The following ALDH1L2 variants were observed in gnomAD, a reference collection of about 807,000 sequenced individuals.
ALDH1L2 encodes the protein aldehyde dehydrogenase 1 family member L2, also known as mitochondrial 10-formyltetrahydrofolate dehydrogenase.
A neutral mutation model predicts 111.0 loss-of-function variants in ALDH1L2; 91 were observed. That is an observed-to-expected ratio of 0.82 (90% CI 0.69 to 0.98). ALDH1L2 has a LOEUF of 0.98. Among genes scored for constraint, ALDH1L2 ranks in the 50% least tolerant of loss-of-function variants. The pLI is 0.00. For missense variants in ALDH1L2, 995 were observed against 1,126.8 expected, an observed-to-expected ratio of 0.88 and a Z score of 1.67; for synonymous variants, 374 against 392.6, an observed-to-expected ratio of 0.95 and a Z score of 0.56.
chr12:105,049,695 C>T, intron 13 of ALDH1L2: 1 of 465,120 alleles, frequency 2.1e-6, no homozygotes, highest in East Asian at 4.6e-5. Flanking sequence ...TCTTAGACTT[C>T]CCGGCCTCCA....
intron 9 of ALDH1L2, among the ~76,000 whole-genome samples, chr12:105,058,583 G>A (rs1333967262): frequency 6.6e-6 from 1 of 152,192 alleles, no homozygotes; most frequent in Non-Finnish European, 1.5e-5. Context: ...TAACTGTAAA[G>A]ATTATGAGAG....
chr12:105,075,734 T>C (rs550788858), intron 1 of ALDH1L2, among the ~76,000 whole-genome samples: 9 of 152,350 alleles, frequency 5.9e-5, no homozygotes, highest in Admixed American at 5.9e-4. Flanking sequence ...ACTATAAATA[T>C]GTTTATAATG....
intron 21 of ALDH1L2, among the ~76,000 whole-genome samples, chr12:105,028,840 A>G (rs971796239): frequency 6.6e-6 from 1 of 152,200 alleles, no homozygotes; most frequent in African/African-American, 2.4e-5. Context: ...AGAATGACCT[A>G]AGGAGGTACA....
rs1220374363 is a variant in ALDH1L2 at position 105,039,814 on chromosome 12, A to G, written c.1952-8T>C. On this transcript the variant is annotated splice_region_variant and splice_polypyrimidine_tract_variant and intron_variant, in intron 16 of 22. Transcript: ENST00000258494. The stretch of plus-strand genomic sequence containing the variant: ...GTTGTCCTGCTATGCCACCTGTAGA[A>G]TTAGGGAATAAAACGGGAATTAAAA... 1.2e-6 allele frequency: 2 copies of G among 1,613,276 alleles called. No individual in the cohort carries two copies. The highest frequency in any genetic ancestry group is 2.2e-5 in the East Asian group (1 of 44,870).
intron 15 of ALDH1L2, 129 bp downstream of exon 15, chr12:105,046,581 G>A (rs1473388945): frequency 5.4e-6 from 4 of 736,348 alleles, no homozygotes; most frequent in African/African-American, 3.6e-5. Flanking sequence ...ATGAAAAGTT[G>A]TCCATGATAT....
chr12:105,031,906 C>G lies in ALDH1L2; in HGVS notation c.2273G>C (p.Gly758Ala). Residue 758 changes from glycine to alanine, a missense_variant, in exon 20 of 23, where the codon GGT becomes GCT. By Grantham distance (60) the Gly-to-Ala change is moderately conservative. Transcript: ENST00000258494. ...VVEEIKKMKI[G>A]DPLDRSTDHG... ...ATCAGTGGATCTGTCAAGTGGATCA[C>G]CAATTTTCATCTTTTTAATTTCTTC... 2 of 1,614,058 alleles carry G rather than the reference C, an allele frequency of 1.2e-6. No individual in the cohort carries two copies. The highest frequency in any genetic ancestry group is 1.7e-6 in the Non-Finnish European group (2 of 1,180,010).
rs140693713 is a variant in ALDH1L2 at position 105,043,450 on chromosome 12, A to G, written c.1864-2756T>C. Among the ~76,000 whole-genome samples, 115 of 152,366 alleles carry G rather than the reference A, an allele frequency of 7.5e-4. 1 individual carries two copies. Among genetic ancestry groups the G allele is most frequent in the African/African-American group, 2.3e-3 (94 of 41,590 alleles). ...ACATTGTGAGGTTTGTAAATCGTCA[A>G]TGTAGACTTAACTCGATGAGAAGTT... On this transcript the variant is annotated intron_variant, in intron 15 of 22. Transcript: ENST00000258494.
intron 13 of ALDH1L2, among the ~76,000 whole-genome samples, chr12:105,049,314 A>G (rs923278610): frequency 6.6e-6 from 1 of 152,178 alleles, no homozygotes; most frequent in Non-Finnish European, 1.5e-5. Flanking sequence ...ACTTGCTACA[A>G]ATTATAGGAA....
At chr12:105,038,263 C>A in intron 17 of ALDH1L2, 61 bp from the exon 18 acceptor site, 2 of 581,680 alleles carry the variant, frequency 3.4e-6, no homozygotes, top group Non-Finnish European at 5.7e-6. Context: ...CTCTCTCTCA[C>A]ACACACACAC....
intron 1 of ALDH1L2, among the ~76,000 whole-genome samples, chr12:105,078,827 T>C (rs1310668244): frequency 6.6e-6 from 1 of 151,984 alleles, no homozygotes; most frequent in Non-Finnish European, 1.5e-5. Context: ...ATCTTGGGAG[T>C]TGGCAGAGAA....
At chr12:105,040,537 G>A (rs951684326) in intron 16 of ALDH1L2, 70 bp downstream of exon 16, 3 of 1,388,492 alleles carry the variant, frequency 2.2e-6, no homozygotes, top group African/African-American at 2.8e-5. Flanking sequence ...GTCTCTAGAG[G>A]TAAAAGAGCC....
rs1264480426 is a variant in ALDH1L2, at chr12:105,026,480, CAT to C, written c.2716+63_2716+64del. On this transcript the variant is annotated intron_variant, in intron 22 of 22. Coordinates refer to ENST00000258494, the MANE Select transcript of ALDH1L2 (RefSeq NM_001034173.4). ...TCAAAGTCACACACAAGTCATGAAA[CAT>C]AGAGCAGATTTTTCTGTGATGTGAC... is the stretch of plus-strand genomic sequence containing the variant. The C allele has an allele frequency of 5.7e-6, 9 of 1,581,046 alleles. No individual in the cohort carries two copies. In the South Asian group the frequency reaches 9.0e-5, roughly 16 times the overall value.
At chr12:105,073,677 G>A (rs1877866943) in intron 2 of ALDH1L2, 184 bp downstream of exon 2, 13 of 726,674 alleles carry the variant, frequency 1.8e-5, no homozygotes, top group Non-Finnish European at 2.8e-5. Context: ...GATACAAGTG[G>A]GAGTAATATG....
At chr12:105,058,670 A>G (rs552543208) in intron 9 of ALDH1L2, among the ~76,000 whole-genome samples, 2 of 152,346 alleles carry the variant, frequency 1.3e-5, no homozygotes, top group East Asian at 3.9e-4. Context: ...CGTAGTTAAC[A>G]TAGGTACTAG....
intron 6 of ALDH1L2, 108 bp downstream of exon 6, chr12:105,065,159 T>G: frequency 1.5e-6 from 1 of 678,082 alleles, no homozygotes; most frequent in Non-Finnish European, 2.5e-6. Flanking sequence ...ATCACAGACC[T>G]GCCTCATGAC....
chr12:105,062,603 A>C (rs1214054064), intron 7 of ALDH1L2, among the ~76,000 whole-genome samples: 2 of 152,332 alleles, frequency 1.3e-5, no homozygotes, highest in East Asian at 3.9e-4. Flanking sequence ...TGTTATAAAG[A>C]TGGCAAAACA....
intron 6 of ALDH1L2, 118 bp from the exon 7 acceptor site, chr12:105,063,140 T>G: frequency 8.5e-7 from 1 of 1,176,982 alleles, no homozygotes. Flanking sequence ...GTAATAAAAT[T>G]GAGACACCAC....
In ALDH1L2 at chr12:105,033,786, A is replaced by G. The variant is rs57561578; in HGVS notation, c.2244+514T>C. Among the ~76,000 whole-genome samples, 1,124 of 152,260 alleles carry G rather than the reference A, an allele frequency of 7.4e-3. 13 individuals are homozygous for G. Among genetic ancestry groups the G allele is most frequent in the African/African-American group, 0.025 (1,023 of 41,542 alleles). On this transcript the variant is annotated intron_variant, in intron 19 of 22. Coordinates refer to ENST00000258494, the MANE Select transcript of ALDH1L2 (RefSeq NM_001034173.4). ...GAAGGAATTATATGCTATCATGTCA[A>G]CCGCAATTGGGGATTCATGGTGTAT... is the stretch of plus-strand genomic sequence containing the variant.
rs190077856 is a variant in ALDH1L2 at position 105,028,355 on chromosome 12, C to T, written c.2517-1611G>A. The stretch of plus-strand genomic sequence containing the variant: ...CTTGAACTCCTGACCTCAAGTGATC[C>T]GCCTGCCTTGGCCTTCCAAAGTGCT... On this transcript the variant is annotated intron_variant, in intron 21 of 22. Coordinates refer to ENST00000258494, the MANE Select transcript of ALDH1L2 (RefSeq NM_001034173.4). 9.5e-4 allele frequency among the ~76,000 whole-genome samples: 145 copies of T among 152,236 alleles called. 1 individual carries two copies. Among genetic ancestry groups the T allele is most frequent in the African/African-American group, 3.1e-3 (129 of 41,532 alleles).
Sources: gnomAD v4.1 joint callset for allele counts (sites outside exome capture counted in the v4.1 genomes callset) on GRCh38, gnomAD v4.1.1 for gene constraint, MANE v1.5 for transcripts, NCBI Gene and HGNC (gene_info 2026-07-23, HGNC 2026-07-21) for gene names.